Variants in NDST3 observed in about 807,000 individuals in gnomAD.
NDST3 encodes bifunctional heparan sulfate N-deacetylase/N-sulfotransferase 3.
In NDST3, 58 loss-of-function variants were observed where a neutral mutation model predicts 96.1. The observed-to-expected ratio is 0.60, with a 90% CI of 0.49 to 0.75. The LOEUF (loss-of-function observed/expected upper bound fraction) is 0.75, where lower values mean the gene tolerates loss of function less well. NDST3 is among the 30% of genes least tolerant of loss of function. The pLI is 0.00. For missense variants in NDST3, 788 were observed against 1,034.2 expected (o/e 0.76, Z 3.27); for synonymous variants, 333 against 359.7 (o/e 0.93, Z 0.84).
intron 2 of NDST3, chr4:118,055,093 A>G (rs1389085693): frequency 4.4e-6 from 3 of 674,454 alleles, no homozygotes; most frequent in Non-Finnish European, 7.5e-6. Context: ...AGATTTTACT[A>G]AAAGATTGAG....
intron 1 of NDST3, among the ~76,000 whole-genome samples, chr4:118,044,022 T>C (rs1348849503): frequency 3.9e-5 from 6 of 152,226 alleles, no homozygotes; most frequent in Non-Finnish European, 5.9e-5. Flanking sequence ...GATAGATTCC[T>C]AATATCTGTC....
intron 4 of NDST3, among the ~76,000 whole-genome samples, chr4:118,128,805 C>G (rs1722939696): frequency 6.6e-6 from 1 of 151,932 alleles, no homozygotes; most frequent in African/African-American, 2.4e-5. Context: ...AGCAGTGTAG[C>G]CATCAAGTCC....
At chr4:118,072,822 G>A (rs1294425546) in intron 2 of NDST3, among the ~76,000 whole-genome samples, 7 of 151,990 alleles carry the variant, frequency 4.6e-5, no homozygotes, top group Admixed American at 2.0e-4. Context: ...CAAAGGGTAC[G>A]CTTCCAGCTT....
chr4:118,113,259 C>T (rs1001766977), intron 3 of NDST3, among the ~76,000 whole-genome samples: 1 of 152,110 alleles, frequency 6.6e-6, no homozygotes, highest in South Asian at 2.1e-4. Flanking sequence ...ACTCCAAAGG[C>T]TACACTTGTT....
At chr4:118,154,960 A>C (rs1027016883) in intron 6 of NDST3, among the ~76,000 whole-genome samples, 1 of 152,200 alleles carries the variant, frequency 6.6e-6, no homozygotes, top group Non-Finnish European at 1.5e-5. Context: ...AAAAAGCAAA[A>C]AAATAGTGCT....
At chr4:118,255,293 T>C (rs779283790) in intron 13 of NDST3, among the ~76,000 whole-genome samples, 16 of 152,170 alleles carry the variant, frequency 1.1e-4, no homozygotes, top group Non-Finnish European at 2.1e-4. Context: ...GTGAAAATAA[T>C]GTCCACAAAG....
chr4:118,037,930 C>T (rs775595927), intron 1 of NDST3, among the ~76,000 whole-genome samples: 4 of 152,014 alleles, frequency 2.6e-5, no homozygotes, highest in East Asian at 1.9e-4. Flanking sequence ...TTTCATTATT[C>T]GTTTCTACTC....
intron 4 of NDST3, among the ~76,000 whole-genome samples, chr4:118,126,305 ACT>A (rs373850323): frequency 6.6e-6 from 1 of 151,356 alleles, no homozygotes; most frequent in Non-Finnish European, 1.5e-5. Flanking sequence ...CCATCCTTCG[ACT>A]CTCTATCTCC....
chr4:118,092,094 G>A (rs1443460565), intron 2 of NDST3, among the ~76,000 whole-genome samples: 1 of 121,130 alleles, frequency 8.3e-6, no homozygotes, highest in Admixed American at 8.8e-5. Flanking sequence ...TTAAGTTCTA[G>A]GGTACATGTG....
chr4:118,081,544 A>T (rs1355527354), intron 2 of NDST3, among the ~76,000 whole-genome samples: 5 of 152,152 alleles, frequency 3.3e-5, no homozygotes, highest in Admixed American at 3.3e-4. Context: ...TTCATATGTA[A>T]CAGGAGGGAT....
intron 6 of NDST3, among the ~76,000 whole-genome samples, chr4:118,180,590 T>C (rs1483156537): frequency 6.6e-6 from 1 of 152,260 alleles, no homozygotes; most frequent in Admixed American, 6.5e-5. Context: ...TTTGGTTAGA[T>C]AGGTGACTTT....
At chr4:118,138,335 G>A (rs1196230914) in intron 5 of NDST3, 96 bp downstream of exon 5, 5 of 1,129,920 alleles carry the variant, frequency 4.4e-6, no homozygotes, top group Non-Finnish European at 3.7e-6. Flanking sequence ...CAGCATAAAT[G>A]TAGGAAAAGC....
intron 8 of NDST3, among the ~76,000 whole-genome samples, chr4:118,228,812 G>T (rs1740080231): frequency 6.6e-6 from 1 of 152,114 alleles, no homozygotes; most frequent in Non-Finnish European, 1.5e-5. Flanking sequence ...GCCTTTTCTA[G>T]AACTTCACAT....
Position 118,105,045 on chromosome 4 carries a change from C to T in NDST3, c.1009C>T (p.Arg337Cys), listed in dbSNP as rs1387812952. The T allele has an allele frequency of 3.1e-6, 5 of 1,613,094 alleles. No homozygotes were observed. Among genetic ancestry groups the T allele is most frequent in the African/African-American group, 2.7e-5 (2 of 74,864 alleles). ...KALLDTQNLL[R>C]AQITNFTFNL... ...CCTGCTTGATACTCAGAATCTTTTG[C>T]GTGCACAAATCACAAATTTTACATT... Residue 337 changes from arginine to cysteine, a missense_variant, in exon 3 of 14, where the codon CGT becomes TGT. Around this residue, in one of 3 missense-constraint regions of NDST3, gnomAD observed 490 missense variants for 708.8 expected, o/e 0.69. Coordinates refer to ENST00000296499, the MANE Select transcript of NDST3 (RefSeq NM_004784.3).
chr4:118,175,633 C>A (rs1736230872), intron 6 of NDST3, among the ~76,000 whole-genome samples: 1 of 152,098 alleles, frequency 6.6e-6, no homozygotes, highest in African/African-American at 2.4e-5. Flanking sequence ...CTGGGAGGCA[C>A]ACGCCATGGG....
At chr4:118,162,288 G>T (rs1676261123) in intron 6 of NDST3, among the ~76,000 whole-genome samples, 2 of 152,128 alleles carry the variant, frequency 1.3e-5, no homozygotes, top group Admixed American at 6.5e-5. Context: ...AGCCCTCATT[G>T]CCAAGTCAAT....
chr4:118,043,439 C>T (rs1321173937), intron 1 of NDST3, among the ~76,000 whole-genome samples: 1 of 152,128 alleles, frequency 6.6e-6, no homozygotes, highest in Non-Finnish European at 1.5e-5. Context: ...TGACTTTAAA[C>T]AAAATTTTAA....
At chr4:118,068,451 C>A (rs1457573519) in intron 2 of NDST3, among the ~76,000 whole-genome samples, 1 of 152,046 alleles carries the variant, frequency 6.6e-6, no homozygotes, top group Non-Finnish European at 1.5e-5. Flanking sequence ...TCTTCTTAAT[C>A]ATTCTTTTAC....
At chr4:118,134,396 A>C (rs1732900663) in intron 4 of NDST3, among the ~76,000 whole-genome samples, 1 of 152,240 alleles carries the variant, frequency 6.6e-6, no homozygotes, top group South Asian at 2.1e-4. Context: ...TATCTTTTAA[A>C]TATTACTTTG....
Sources: gnomAD v4.1 joint callset for allele counts (sites outside exome capture counted in the v4.1 genomes callset) on GRCh38, gnomAD v4.1.1 for gene constraint, gnomAD v4.1.1 regional missense constraint, MANE v1.5 for transcripts, NCBI Gene and HGNC (gene_info 2026-07-23, HGNC 2026-07-21) for gene names.